NAALADL2: variants seen among roughly 807,000 people sequenced by gnomAD.
The protein encoded by NAALADL2 is inactive N-acetylated-alpha-linked acidic dipeptidase-like protein 2.
Under a neutral mutation model 87.2 loss-of-function variants are expected in NAALADL2, and 76 were observed. The observed-to-expected ratio is 0.87, with a 90% CI of 0.72 to 1.05. NAALADL2 has a LOEUF of 1.05. NAALADL2 is among the 50% of genes least tolerant of loss of function. The pLI, the probability that NAALADL2 is intolerant of heterozygous loss-of-function variation, is 0.00. For synonymous variants in NAALADL2, 354 were observed against 331.0 expected (o/e 1.07, Z -0.75); for missense variants, 1,089 against 945.8 (o/e 1.15, Z -1.99).
At chr3:175,540,422 G>A (rs1712104336) in intron 9 of NAALADL2, among the ~76,000 whole-genome samples, 1 of 152,226 alleles carries the variant, frequency 6.6e-6, no homozygotes, top group South Asian at 2.1e-4. Flanking sequence ...GATGAGGTCA[G>A]AGAGCACAGG....
chr3:175,624,501 A>G lies in NAALADL2; in HGVS notation c.1801-2790A>G, dbSNP rs539591631. Among the ~76,000 whole-genome samples the G allele has an allele frequency of 2.6e-5, 4 of 152,182 alleles. No homozygotes were observed. The South Asian group carries it at 8.3e-4, about 32-fold the overall frequency. ...ATTAATTAAAGGCATTCATTATTAG[A>G]TGCCTTAATTTGTGAAATACTCTGC... On this transcript the variant is annotated intron_variant, in intron 10 of 13. Coordinates refer to ENST00000454872, the MANE Select transcript of NAALADL2 (RefSeq NM_207015.3).
At chr3:175,408,102 G>T (rs1054804959) in intron 5 of NAALADL2, among the ~76,000 whole-genome samples, 1 of 152,192 alleles carries the variant, frequency 6.6e-6, no homozygotes, top group Non-Finnish European at 1.5e-5. Context: ...GTAAGAAGTG[G>T]TTAGCAGAAA....
intron 13 of NAALADL2, 82 bp from the exon 14 acceptor site, chr3:175,802,923 C>T: frequency 1.2e-6 from 1 of 856,896 alleles, no homozygotes; most frequent in Non-Finnish European, 1.9e-6. Context: ...ACATCACTGA[C>T]TCTTAGAAAT....
chr3:174,543,298 T>C (rs1031427901), intron 1 of NAALADL2, among the ~76,000 whole-genome samples: 2 of 152,132 alleles, frequency 1.3e-5, no homozygotes, highest in Non-Finnish European at 2.9e-5. Flanking sequence ...ATGCAGTAGA[T>C]GAAGTCGGCT....
intron 11 of NAALADL2, among the ~76,000 whole-genome samples, chr3:175,633,192 T>G (rs764662208): frequency 1.9e-4 from 29 of 152,124 alleles, no homozygotes; most frequent in Non-Finnish European, 3.7e-4. Context: ...TTTGAACCAA[T>G]TTTTTGGAAT....
At position 174,970,183 on chromosome 3, in the gene NAALADL2, T is replaced by G. The variant is rs1197921413; in HGVS notation, c.43+110733T>G. ...CAGGTAGATAAAAAATGAGATTGAT[T>G]GTATTATTCAGTTTCATACAGGAAC... On this transcript the variant is annotated intron_variant, in intron 1 of 13. Coordinates refer to ENST00000454872, the MANE Select transcript of NAALADL2 (RefSeq NM_207015.3). Among the ~76,000 whole-genome samples the G allele has an allele frequency of 3.9e-5, 6 of 152,184 alleles. 1 individual carries two copies. The highest frequency in any genetic ancestry group is 3.9e-4 in the Admixed American group (6 of 15,268).
rs547009457 is a variant in NAALADL2, at chr3:174,611,039, A to C, written c.-115+60402A>C. Among the ~76,000 whole-genome samples, 4 of 152,228 alleles carry C rather than the reference A, an allele frequency of 2.6e-5. No individual in the cohort carries two copies. The South Asian group carries it at 8.3e-4, about 32-fold the overall frequency. On this transcript the variant is annotated intron_variant, in intron 2 of 3. Coordinates refer to the NAALADL2 transcript ENST00000434257. ...AGGGACATGGATGAAATTGGAAATC[A>C]TCATTCTCAGTAAACTATCACAAGG...
intron 11 of NAALADL2, among the ~76,000 whole-genome samples, chr3:175,708,458 T>C (rs1740046669): frequency 6.6e-6 from 1 of 152,042 alleles, no homozygotes; most frequent in Non-Finnish European, 1.5e-5. Flanking sequence ...TCAAGAAATA[T>C]TAAGTTATTT....
chr3:175,337,592 CT>C (rs1762120651), intron 5 of NAALADL2, among the ~76,000 whole-genome samples: 1 of 152,096 alleles, frequency 6.6e-6, no homozygotes, highest in African/African-American at 2.4e-5. Context: ...GAAACCACCC[CT>C]GCCAATACCT....
chr3:175,300,996 C>A (rs1757017005), intron 4 of NAALADL2, among the ~76,000 whole-genome samples: 1 of 151,938 alleles, frequency 6.6e-6, no homozygotes, highest in South Asian at 2.1e-4. Flanking sequence ...CTCAGGTGAT[C>A]CGCCTGCCTC....
At chr3:175,674,257 T>TG (rs1196666167) in intron 11 of NAALADL2, among the ~76,000 whole-genome samples, 1 of 144,770 alleles carries the variant, frequency 6.9e-6, no homozygotes, top group East Asian at 1.9e-4. Context: ...GTTTTTTTTT[T>TG]TTGTTTGTTT....
intron 1 of NAALADL2, among the ~76,000 whole-genome samples, chr3:174,512,515 T>A (rs1719665825): frequency 6.6e-6 from 1 of 152,228 alleles, no homozygotes; most frequent in Admixed American, 6.5e-5. Context: ...ATTCTTTTTC[T>A]GGTCTTAAGT....
chr3:175,795,318 G>A (rs1753323563), intron 13 of NAALADL2, among the ~76,000 whole-genome samples: 1 of 152,062 alleles, frequency 6.6e-6, no homozygotes, highest in African/African-American at 2.4e-5. Context: ...GGGACTGTTT[G>A]GCATGATTTA....
chr3:175,671,996 C>A (rs112682537), intron 11 of NAALADL2, among the ~76,000 whole-genome samples: 2,169 of 152,160 alleles, frequency 0.014, 52 homozygotes, highest in African/African-American at 0.049. Flanking sequence ...AACAGTGCTA[C>A]GCTTCTAATC....
intron 2 of NAALADL2, among the ~76,000 whole-genome samples, chr3:174,554,240 T>C (rs1712478642): frequency 6.6e-6 from 1 of 152,056 alleles, no homozygotes; most frequent in African/African-American, 2.4e-5. Context: ...ATAAACAAAA[T>C]AGTATCATAT....
chr3:175,638,028 A>C (rs577128540), intron 11 of NAALADL2, among the ~76,000 whole-genome samples: 2 of 152,360 alleles, frequency 1.3e-5, no homozygotes, highest in South Asian at 2.1e-4. Flanking sequence ...AATTTTAAAA[A>C]GAGCAATATG....
intron 1 of NAALADL2, among the ~76,000 whole-genome samples, chr3:174,902,789 C>A (rs940202069): frequency 6.6e-6 from 1 of 151,944 alleles, no homozygotes; most frequent in Admixed American, 6.6e-5. Flanking sequence ...AGGAGGGCGG[C>A]ACTGATGGTA....
At chr3:174,508,274 CG>C (rs1719355624) in intron 1 of NAALADL2, among the ~76,000 whole-genome samples, 1 of 151,832 alleles carries the variant, frequency 6.6e-6, no homozygotes, top group African/African-American at 2.4e-5. Flanking sequence ...CCACCATGCC[CG>C]GCTAATTTTT....
Position 174,715,221 on chromosome 3 carries a change from A to AT in NAALADL2, c.-114-22413dup, listed in dbSNP as rs879893003. Among the ~76,000 whole-genome samples, 111 of 152,130 alleles carry AT rather than the reference A, an allele frequency of 7.3e-4. 5 individuals are homozygous for AT. The highest frequency in any genetic ancestry group is 1.5e-4 in the Non-Finnish European group (10 of 67,986). ...TATCACCTAGTTATACCTTCCAACT[A>AT]TTTTTTTAGGCTAGTTCTTTTAGAT... On this transcript the variant is annotated intron_variant, in intron 2 of 3. Coordinates refer to the NAALADL2 transcript ENST00000434257.
Sources: allele counts gnomAD v4.1 joint callset (sites outside exome capture counted in the v4.1 genomes callset), GRCh38; gene constraint gnomAD v4.1.1; transcripts MANE v1.5; gene names NCBI Gene and HGNC (gene_info 2026-07-23, HGNC 2026-07-21).